Variants in WDR70 observed in about 807,000 individuals in gnomAD.
WDR70 encodes the protein WD repeat domain 70.
A neutral mutation model predicts 88.6 loss-of-function variants in WDR70; 53 were observed. The ratio of observed to expected loss-of-function variants is 0.60; its 90% CI spans 0.48 to 0.75. The LOEUF (loss-of-function observed/expected upper bound fraction) is 0.75, where lower values mean the gene tolerates loss of function less well. WDR70 is among the 30% of genes least tolerant of loss of function. The pLI, the probability that WDR70 is intolerant of heterozygous loss-of-function variation, is 0.00. For synonymous variants in WDR70, 280 were observed against 270.0 expected, an observed-to-expected ratio of 1.04 and a Z score of -0.36; for missense variants, 610 against 823.2, an observed-to-expected ratio of 0.74 and a Z score of 3.17.
At chr5:37,629,333 A>T (rs7737210) in intron 10 of WDR70, among the ~76,000 whole-genome samples, 1 of 152,146 alleles carries the variant, frequency 6.6e-6, no homozygotes, top group African/African-American at 2.4e-5. Flanking sequence ...CCCAAGACTC[A>T]GGAAATTTTC....
chr5:37,388,119 A>T (rs551766628), intron 3 of WDR70, among the ~76,000 whole-genome samples: 36 of 151,426 alleles, frequency 2.4e-4, no homozygotes, highest in Middle Eastern at 3.4e-3. Context: ...TGAAATACAA[A>T]TTTTTTTTTC....
intron 1 of WDR70, 24 bp downstream of exon 1, chr5:37,379,416 G>C: frequency 6.2e-7 from 1 of 1,613,682 alleles, no homozygotes; most frequent in African/African-American, 1.3e-5. Context: ...GGCGAGTCCG[G>C]GCGGGGTGGG....
At chr5:37,740,407 T>C (rs1364645540) in intron 17 of WDR70, among the ~76,000 whole-genome samples, 1 of 152,232 alleles carries the variant, frequency 6.6e-6, no homozygotes, top group Non-Finnish European at 1.5e-5. Context: ...ATTCTCTCAC[T>C]ATGCTCCTAC....
chr5:37,739,313 G>T (rs1442293189), intron 17 of WDR70, among the ~76,000 whole-genome samples: 3 of 152,114 alleles, frequency 2.0e-5, no homozygotes, highest in Non-Finnish European at 4.4e-5. Context: ...TATATATTTG[G>T]CTGAATGGAA....
At chr5:37,487,306 G>GT (rs537482419) in intron 8 of WDR70, among the ~76,000 whole-genome samples, 193 of 152,034 alleles carry the variant, frequency 1.3e-3, no homozygotes, top group African/African-American at 4.5e-3. Flanking sequence ...TGAGTGATGG[G>GT]TTTTGGTAAT....
At chr5:37,625,167 G>T (rs1212050122) in intron 10 of WDR70, among the ~76,000 whole-genome samples, 2 of 152,090 alleles carry the variant, frequency 1.3e-5, no homozygotes, top group East Asian at 1.9e-4. Context: ...TTCATTTTGG[G>T]ATATTGTTTT....
intron 9 of WDR70, among the ~76,000 whole-genome samples, chr5:37,602,254 C>T (rs1315831758): frequency 7.0e-6 from 1 of 143,390 alleles, no homozygotes; most frequent in African/African-American, 2.6e-5. Flanking sequence ...ACTTTATTTA[C>T]AATAACATTA....
At chr5:37,405,781 C>T (rs1256334126) in intron 5 of WDR70, among the ~76,000 whole-genome samples, 5 of 152,174 alleles carry the variant, frequency 3.3e-5, no homozygotes, top group Non-Finnish European at 7.3e-5. Context: ...CGCAGTGGCT[C>T]ATGCCTGTAA....
At chr5:37,583,200 G>A (rs1280631088) in intron 9 of WDR70, among the ~76,000 whole-genome samples, 1 of 152,156 alleles carries the variant, frequency 6.6e-6, no homozygotes, top group Non-Finnish European at 1.5e-5. Flanking sequence ...GCCAAAGCAG[G>A]TGGATCACGA....
chr5:37,674,824 G>A (rs1746148437), intron 10 of WDR70, among the ~76,000 whole-genome samples: 1 of 151,644 alleles, frequency 6.6e-6, no homozygotes, highest in African/African-American at 2.4e-5. Context: ...TTCCACAATG[G>A]TTGAACTAGT....
intron 10 of WDR70, among the ~76,000 whole-genome samples, chr5:37,636,193 A>G (rs908571832): frequency 6.7e-6 from 1 of 148,642 alleles, no homozygotes; most frequent in African/African-American, 2.4e-5. Flanking sequence ...CACAGGAGCT[A>G]ACTGGGAGGA....
chr5:37,385,812 TA>T (rs1375903874), intron 3 of WDR70, among the ~76,000 whole-genome samples: 28 of 142,276 alleles, frequency 2.0e-4, no homozygotes, highest in African/African-American at 8.4e-4. Flanking sequence ...AATATATATA[TA>T]TATTTTTTGA....
chr5:37,420,257 G>C (rs1405463552), intron 5 of WDR70, among the ~76,000 whole-genome samples: 1 of 152,084 alleles, frequency 6.6e-6, no homozygotes, highest in South Asian at 2.1e-4. Context: ...GCAAGAATCA[G>C]GTAATTATTT....
intron 9 of WDR70, among the ~76,000 whole-genome samples, chr5:37,547,377 T>G (rs528947969): frequency 6.6e-6 from 1 of 152,272 alleles, no homozygotes; most frequent in South Asian, 2.1e-4. Flanking sequence ...AATAAGTGGG[T>G]TTTCTTTTTA....
At chr5:37,591,728 A>G (rs1022750782) in intron 9 of WDR70, among the ~76,000 whole-genome samples, 5 of 152,232 alleles carry the variant, frequency 3.3e-5, no homozygotes. Flanking sequence ...TCACTTCAGA[A>G]AAAGGAAACC....
chr5:37,489,181 C>T (rs1326999229), intron 8 of WDR70, among the ~76,000 whole-genome samples: 1 of 152,180 alleles, frequency 6.6e-6, no homozygotes, highest in Non-Finnish European at 1.5e-5. Flanking sequence ...CCAGTGGTGG[C>T]AATGTTGGGC....
intron 9 of WDR70, among the ~76,000 whole-genome samples, chr5:37,520,760 A>T (rs1393113996): frequency 1.3e-5 from 2 of 152,190 alleles, no homozygotes; most frequent in Non-Finnish European, 2.9e-5. Context: ...TAAAATACAG[A>T]TAGGAAGAAA....
intron 10 of WDR70, among the ~76,000 whole-genome samples, chr5:37,685,072 A>G (rs1289169884): frequency 6.6e-6 from 1 of 151,688 alleles, no homozygotes; most frequent in African/African-American, 2.4e-5. Flanking sequence ...GGGAGGGTCC[A>G]GTGTTCTCCA....
At chr5:37,680,405 A>C (rs963993959) in intron 10 of WDR70, among the ~76,000 whole-genome samples, 4 of 152,172 alleles carry the variant, frequency 2.6e-5, no homozygotes, top group African/African-American at 7.2e-5. Flanking sequence ...TAGTTTAATT[A>C]GATCCCATTT....
Sources: gnomAD v4.1 joint callset for allele counts (sites outside exome capture counted in the v4.1 genomes callset) on GRCh38, gnomAD v4.1.1 for gene constraint, MANE v1.5 for transcripts, NCBI Gene and HGNC (gene_info 2026-07-23, HGNC 2026-07-21) for gene names.